CCDC60: variants seen among roughly 807,000 people sequenced by gnomAD.
The protein encoded by CCDC60 is coiled-coil domain-containing protein 60.
CCDC60 carries 54 observed loss-of-function variants against 63.5 expected under a neutral mutation model. That is an observed-to-expected ratio of 0.85 (90% CI 0.68 to 1.07). CCDC60 has a LOEUF of 1.07. CCDC60 is among the 50% of genes least tolerant of loss of function. The pLI, the probability that CCDC60 is intolerant of heterozygous loss-of-function variation, is 0.00. For synonymous variants in CCDC60, 206 were observed against 238.8 expected (o/e 0.86, Z 1.27); for missense variants, 651 against 684.3 (o/e 0.95, Z 0.54).
chr12:119,361,142 G>T (rs903575690), intron 1 of CCDC60, among the ~76,000 whole-genome samples: 1 of 146,686 alleles, frequency 6.8e-6, no homozygotes, highest in Admixed American at 6.9e-5. Context: ...GAGGGAGAGG[G>T]AGACCATGGG....
intron 1 of CCDC60, among the ~76,000 whole-genome samples, chr12:119,343,466 G>T (rs1158663838): frequency 1.3e-5 from 2 of 151,924 alleles, no homozygotes; most frequent in Non-Finnish European, 2.9e-5. Context: ...ATCCCTCATT[G>T]CAGCCTGGTA....
chr12:119,528,772 A>G (rs1952760126), intron 12 of CCDC60, 26 bp downstream of exon 12: 1 of 1,607,860 alleles, frequency 6.2e-7, no homozygotes, highest in South Asian at 1.1e-5. Context: ...ACCAGATAAG[A>G]TGGTCCCTGG....
At chr12:119,358,447 C>T (rs1471149953) in intron 1 of CCDC60, among the ~76,000 whole-genome samples, 3 of 152,134 alleles carry the variant, frequency 2.0e-5, no homozygotes, top group Non-Finnish European at 4.4e-5. Flanking sequence ...CACGCCAGCC[C>T]CTCAATCTTG....
chr12:119,485,124 C>T (rs1313360039), intron 4 of CCDC60, among the ~76,000 whole-genome samples: 4 of 152,258 alleles, frequency 2.6e-5, no homozygotes, highest in Admixed American at 6.5e-5. Context: ...GTGCTAAGCA[C>T]ATCACCTCAC....
rs1428205693 is a variant in CCDC60, at chr12:119,506,645, A to G, written c.883+1342A>G. Among the ~76,000 whole-genome samples the G allele has an allele frequency of 2.6e-5, 4 of 151,722 alleles. No homozygotes were observed. In the East Asian group the frequency reaches 7.8e-4, roughly 29 times the overall value. ...AAAAGAAGAGAAGAAGGGAAGGGGGAATGGGGAAGGGAAGGAAAATAGGAA... is the reference window on the plus strand; with the variant it reads ...AAAAGAAGAGAAGAAGGGAAGGGGGGATGGGGAAGGGAAGGAAAATAGGAA... On this transcript the variant is annotated intron_variant, in intron 7 of 13. Transcript: ENST00000327554.
At chr12:119,451,312 T>A (rs556678474) in intron 2 of CCDC60, among the ~76,000 whole-genome samples, 1 of 152,330 alleles carries the variant, frequency 6.6e-6, no homozygotes, top group South Asian at 2.1e-4. Context: ...TCTGTTTAGC[T>A]GTTCAGTTCC....
At chr12:119,436,665 A>G (rs1950332542) in intron 2 of CCDC60, among the ~76,000 whole-genome samples, 1 of 151,388 alleles carries the variant, frequency 6.6e-6, no homozygotes, top group Admixed American at 6.6e-5. Flanking sequence ...CAGCCTCCCG[A>G]GTAGCTGGGA....
At chr12:119,472,576 CTTTTT>C (rs11303138) in intron 3 of CCDC60, among the ~76,000 whole-genome samples, 3 of 97,638 alleles carry the variant, frequency 3.1e-5, no homozygotes, top group African/African-American at 4.1e-5. Context: ...AAAATGCCTC[CTTTTT>C]TTTTTTTTTT....
In CCDC60 at chr12:119,437,133, A is replaced by C. The variant is rs1040777011; in HGVS notation, c.170+8371A>C. Among the ~76,000 whole-genome samples the C allele has an allele frequency of 3.9e-5, 6 of 152,166 alleles. No individual in the cohort carries two copies. In the East Asian group the frequency reaches 1.2e-3, roughly 29 times the overall value. The stretch of plus-strand genomic sequence containing the variant: ...TTCTTGGGCTTCTTTTTGCATTAAT[A>C]GTGTTTAATAGTGTTAATCATGGTC... On this transcript the variant is annotated intron_variant, in intron 2 of 13. Coordinates refer to ENST00000327554, the MANE Select transcript of CCDC60 (RefSeq NM_178499.5).
At chr12:119,386,117 G>A (rs1344005687) in intron 1 of CCDC60, among the ~76,000 whole-genome samples, 1 of 152,136 alleles carries the variant, frequency 6.6e-6, no homozygotes, top group African/African-American at 2.4e-5. Flanking sequence ...CCTGAAGGCG[G>A]CAAGCCTTGG....
intron 2 of CCDC60, among the ~76,000 whole-genome samples, chr12:119,442,475 C>CT (rs1354355483): frequency 6.6e-6 from 1 of 152,124 alleles, no homozygotes; most frequent in Non-Finnish European, 1.5e-5. Context: ...TAACAAACTC[C>CT]TATGCACCCA....
chr12:119,531,090 A>G, intron 13 of CCDC60, 27 bp downstream of exon 13: 1 of 1,601,404 alleles, frequency 6.2e-7, no homozygotes, highest in Non-Finnish European at 8.5e-7. Context: ...TCCCCTCCAC[A>G]GTGTTTCAGG....
intron 1 of CCDC60, among the ~76,000 whole-genome samples, chr12:119,358,142 C>T (rs537336488): frequency 1.3e-5 from 2 of 152,136 alleles, no homozygotes; most frequent in Non-Finnish European, 2.9e-5. Context: ...CAATCACCTC[C>T]CACCAGGCCC....
intron 1 of CCDC60, among the ~76,000 whole-genome samples, chr12:119,374,873 G>A (rs972922272): frequency 7.2e-5 from 11 of 152,152 alleles, no homozygotes; most frequent in African/African-American, 1.7e-4. Flanking sequence ...CTGTCCTGGC[G>A]CTGGTGGGAG....
chr12:119,461,054 G>C (rs1950848088), intron 2 of CCDC60, among the ~76,000 whole-genome samples: 1 of 151,736 alleles, frequency 6.6e-6, no homozygotes, highest in African/African-American at 2.4e-5. Context: ...CAACCCTACT[G>C]TCTTCCGATC....
At chr12:119,368,385 T>C (rs1006198563) in intron 1 of CCDC60, among the ~76,000 whole-genome samples, 3 of 152,068 alleles carry the variant, frequency 2.0e-5, no homozygotes, top group East Asian at 1.9e-4. Flanking sequence ...CTGAGAATGA[T>C]AGTAAATGAT....
At chr12:119,470,544 GA>G (rs1258248986) in intron 2 of CCDC60, among the ~76,000 whole-genome samples, 1 of 152,186 alleles carries the variant, frequency 6.6e-6, no homozygotes, top group African/African-American at 2.4e-5. Flanking sequence ...GTCCCCCGAT[GA>G]AATGAAATGA....
intron 1 of CCDC60, among the ~76,000 whole-genome samples, chr12:119,339,065 T>C (rs951936000): frequency 2.6e-5 from 4 of 152,200 alleles, no homozygotes; most frequent in African/African-American, 9.7e-5. Context: ...TGAAAGTCTT[T>C]TGTTAAAGAA....
chr12:119,414,233 G>T (rs189182381), intron 1 of CCDC60, among the ~76,000 whole-genome samples: 1 of 152,130 alleles, frequency 6.6e-6, no homozygotes, highest in East Asian at 1.9e-4. Flanking sequence ...TGGCCAAGCC[G>T]GTCTCTAACT....
Sources: gnomAD v4.1 joint callset for allele counts (sites outside exome capture counted in the v4.1 genomes callset) on GRCh38, gnomAD v4.1.1 for gene constraint, MANE v1.5 for transcripts, NCBI Gene and HGNC (gene_info 2026-07-23, HGNC 2026-07-21) for gene names.